Variants in SND1 observed in about 807,000 individuals in gnomAD.
SND1 encodes staphylococcal nuclease and tudor domain containing 1.
Under a neutral mutation model 121.7 loss-of-function variants are expected in SND1, and 38 were observed. The observed-to-expected ratio is 0.31, with a 90% CI of 0.24 to 0.41. SND1 has a LOEUF of 0.41. Among genes scored for constraint, SND1 ranks in the 10% least tolerant of loss-of-function variants. The pLI, the probability that SND1 is intolerant of heterozygous loss-of-function variation, is 1.00. For missense variants in SND1, 868 were observed against 1,184.6 expected, an observed-to-expected ratio of 0.73 and a Z score of 3.92; for synonymous variants, 401 against 447.4, an observed-to-expected ratio of 0.90 and a Z score of 1.31.
rs1207639072 is a variant in SND1 at position 127,857,856 on chromosome 7, GA to G, written c.1343+13433del. On this transcript the variant is annotated intron_variant, in intron 12 of 23. Coordinates refer to ENST00000354725, the MANE Select transcript of SND1 (RefSeq NM_014390.4). ...TAGGTCCCCAGCAGTCTCAGGTGTAGAGGTCAAAGTCAATGCGTTTGGAGTT... is the reference window on the plus strand; with the variant it reads ...TAGGTCCCCAGCAGTCTCAGGTGTAGGGTCAAAGTCAATGCGTTTGGAGTT... 2.6e-5 allele frequency: 32 copies of G among 1,228,542 alleles called. No homozygotes were observed. The Admixed American group carries it at 5.2e-4, about 20-fold the overall frequency. The allele number at this position is 1,228,542 out of a possible 1,614,324, so 76.1% of individuals were successfully genotyped here.
chr7:127,771,283 T>G (rs1027911488), intron 10 of SND1, among the ~76,000 whole-genome samples: 2 of 152,194 alleles, frequency 1.3e-5, no homozygotes, highest in Admixed American at 6.5e-5. Context: ...ACTATTGGTT[T>G]CCCAAGGGAC....
intron 15 of SND1, among the ~76,000 whole-genome samples, chr7:127,949,442 A>G (rs769863527): frequency 1.4e-4 from 22 of 152,374 alleles, no homozygotes; most frequent in Admixed American, 5.2e-4. Flanking sequence ...TGAGATGTGC[A>G]TACACACTGA....
chr7:127,669,655 A>T (rs368875944), intron 1 of SND1, among the ~76,000 whole-genome samples: 1 of 152,214 alleles, frequency 6.6e-6, no homozygotes, highest in South Asian at 2.1e-4. Flanking sequence ...CCTATATCCA[A>T]TACCATGGTA....
chr7:127,720,201 T>C lies in SND1; in HGVS notation c.1039-1086T>C, dbSNP rs147671540. The stretch of plus-strand genomic sequence containing the variant: ...ATGGCAAAAAAGAGTCTAGCTCCTT[T>C]TGTTTCACGCATGAAAGAGGAGGGA... On this transcript the variant is annotated intron_variant, in intron 9 of 23. Transcript: ENST00000354725. Among the ~76,000 whole-genome samples, 111 of 152,308 alleles carry C rather than the reference T, an allele frequency of 7.3e-4. 1 individual carries two copies. The East Asian group carries it at 8.7e-3, about 12-fold the overall frequency.
At chr7:127,678,710 A>G (rs1241045475) in intron 1 of SND1, among the ~76,000 whole-genome samples, 1 of 152,156 alleles carries the variant, frequency 6.6e-6, no homozygotes, top group Non-Finnish European at 1.5e-5. Context: ...TGACTTTTTA[A>G]TTTTCAAGAG....
intron 10 of SND1, among the ~76,000 whole-genome samples, chr7:127,788,537 T>C (rs1277650705): frequency 1.3e-5 from 2 of 152,200 alleles, no homozygotes; most frequent in African/African-American, 4.8e-5. Flanking sequence ...AATACCCTCC[T>C]TTAGCTGCCA....
In SND1 at chr7:127,892,900, G is replaced by A. The variant is rs1048411346; in HGVS notation, c.1454+4888G>A. Among the ~76,000 whole-genome samples, 2 of 151,718 alleles carry A rather than the reference G, an allele frequency of 1.3e-5. 1 individual carries two copies. The highest frequency in any genetic ancestry group is 4.2e-4 in the South Asian group (2 of 4,814). On this transcript the variant is annotated intron_variant, in intron 13 of 23. Transcript: ENST00000354725. Reference sequence around the variant, plus strand: ...AAGCATCATATGGACTCCTTAGGGAGTGTGAAACATTATTTCTGTTCTGCA... The same window carrying A: ...AAGCATCATATGGACTCCTTAGGGAATGTGAAACATTATTTCTGTTCTGCA...
At chr7:127,684,527 C>G (rs1334313408) in intron 1 of SND1, among the ~76,000 whole-genome samples, 4 of 152,292 alleles carry the variant, frequency 2.6e-5, no homozygotes, top group Admixed American at 2.6e-4. Flanking sequence ...CTCTCCTTTT[C>G]TTCTTTGGCC....
intron 11 of SND1, among the ~76,000 whole-genome samples, chr7:127,813,039 G>C (rs1798361647): frequency 6.6e-6 from 1 of 152,202 alleles, no homozygotes; most frequent in Non-Finnish European, 1.5e-5. Flanking sequence ...GATTTAAATT[G>C]ACAGGTTTAT....
At chr7:127,724,491 A>G (rs1796550364) in intron 10 of SND1, among the ~76,000 whole-genome samples, 1 of 152,226 alleles carries the variant, frequency 6.6e-6, no homozygotes, top group African/African-American at 2.4e-5. Context: ...TGAACATCTT[A>G]GGATACTCAG....
At chr7:128,077,463 C>T (rs181585396) in intron 17 of SND1, among the ~76,000 whole-genome samples, 21 of 152,304 alleles carry the variant, frequency 1.4e-4, no homozygotes, top group Admixed American at 1.2e-3. Context: ...AGAGGGGACC[C>T]GAGCAAGACA....
chr7:127,708,535 C>T lies in SND1; in HGVS notation c.1038+888C>T, dbSNP rs189413999. The stretch of plus-strand genomic sequence containing the variant: ...GTTAACCCTGGTGCAAATCAAGGAG[C>T]ACCTATAAATATATGACCTCAAGTT... On this transcript the variant is annotated intron_variant, in intron 9 of 23. Coordinates refer to ENST00000354725, the MANE Select transcript of SND1 (RefSeq NM_014390.4). Among the ~76,000 whole-genome samples, 466 of 152,150 alleles carry T rather than the reference C, an allele frequency of 3.1e-3. 1 individual carries two copies. Among genetic ancestry groups the T allele is most frequent in the Middle Eastern group, 0.01 (3 of 294 alleles).
chr7:127,906,690 T>G (rs1800348163), intron 14 of SND1, among the ~76,000 whole-genome samples: 1 of 152,160 alleles, frequency 6.6e-6, no homozygotes, highest in South Asian at 2.1e-4. Context: ...AGTTCTGATT[T>G]GGCACCAACA....
At chr7:127,928,239 C>T (rs1165519988) in intron 14 of SND1, 1 of 152,154 alleles carries the variant, frequency 6.6e-6, no homozygotes, top group African/African-American at 2.4e-5. Flanking sequence ...TATAATGATT[C>T]CTGCTGACAT....
intron 16 of SND1, among the ~76,000 whole-genome samples, chr7:128,024,095 C>G (rs901982104): frequency 6.6e-6 from 1 of 151,328 alleles, no homozygotes; most frequent in African/African-American, 2.4e-5. Flanking sequence ...TTTCACTGAT[C>G]TAGTTGCTGA....
At chr7:127,779,799 T>G (rs879604131) in intron 10 of SND1, among the ~76,000 whole-genome samples, 6 of 152,216 alleles carry the variant, frequency 3.9e-5, no homozygotes, top group Non-Finnish European at 8.8e-5. Context: ...TTTCCTGATT[T>G]GCCTCCTGCC....
intron 15 of SND1, among the ~76,000 whole-genome samples, chr7:127,987,254 T>C (rs1802413660): frequency 6.6e-6 from 1 of 152,220 alleles, no homozygotes; most frequent in African/African-American, 2.4e-5. Flanking sequence ...TTGGGTTTGC[T>C]TTCTTAGAAC....
At chr7:127,852,293 A>G (rs1288780232) in intron 12 of SND1, among the ~76,000 whole-genome samples, 1 of 151,066 alleles carries the variant, frequency 6.6e-6, no homozygotes, top group Non-Finnish European at 1.5e-5. Context: ...CCAGGAGTTC[A>G]GACCAGCCTA....
intron 11 of SND1, among the ~76,000 whole-genome samples, chr7:127,818,237 T>C (rs1798483477): frequency 1.3e-5 from 2 of 152,128 alleles, no homozygotes; most frequent in Non-Finnish European, 2.9e-5. Flanking sequence ...TATGTGTGAA[T>C]TGAAATTGTT....
Sources: allele counts gnomAD v4.1 joint callset (sites outside exome capture counted in the v4.1 genomes callset), GRCh38; gene constraint gnomAD v4.1.1; transcripts MANE v1.5; gene names NCBI Gene and HGNC (gene_info 2026-07-23, HGNC 2026-07-21).